Variants in RNF216 observed in about 807,000 individuals in gnomAD.
RNF216 encodes ring finger protein 216.
Under a neutral mutation model 110.8 loss-of-function variants are expected in RNF216, and 72 were observed. The ratio of observed to expected loss-of-function variants is 0.65; its 90% CI spans 0.54 to 0.79. The LOEUF (loss-of-function observed/expected upper bound fraction) is 0.79. RNF216 is among the 30% of genes least tolerant of loss of function. The pLI, the probability that RNF216 is intolerant of heterozygous loss-of-function variation, is 0.00. For synonymous variants in RNF216, 495 were observed against 407.5 expected (o/e 1.21, Z -2.59); for missense variants, 1,342 against 1,141.2 (o/e 1.18, Z -2.54).
chr7:5,752,948 G>A lies in RNF216; in HGVS notation c.99C>T (p.Thr33=), dbSNP rs1795409964. Residue 33 remains threonine (T), a synonymous_variant, in exon 3 of 17, where the codon ACC becomes ACT. Coordinates refer to ENST00000389902, the MANE Select transcript of RNF216 (RefSeq NM_207111.4). The stretch of plus-strand genomic sequence containing the variant: ...TTTCCTCATCTGAGGAGTCAGATAT[G>A]GTGATGGGCCCATCTCGGAGATTGA... ...EWINLRDGPI[T]ISDSSDEERI... is the part of the protein sequence containing the mutation. 6.2e-7 allele frequency: 1 copy of A among 1,611,580 alleles called. No individual in the cohort carries two copies. Among genetic ancestry groups the A allele is most frequent in the Non-Finnish European group, 8.5e-7 (1 of 1,178,932 alleles).
At chr7:5,639,686 CT>C (rs1311177706) in intron 15 of RNF216, among the ~76,000 whole-genome samples, 1 of 152,006 alleles carries the variant, frequency 6.6e-6, no homozygotes, top group Non-Finnish European at 1.5e-5. Context: ...TCTTGAACTC[CT>C]GACCTCAGGT....
chr7:5,683,142 A>G (rs924977019), intron 13 of RNF216, among the ~76,000 whole-genome samples: 5 of 152,150 alleles, frequency 3.3e-5, no homozygotes, highest in Admixed American at 2.0e-4. Flanking sequence ...AAACAAACAA[A>G]CAAAAAACAG....
chr7:5,692,466 T>C (rs1035973775), intron 13 of RNF216, among the ~76,000 whole-genome samples: 2 of 152,212 alleles, frequency 1.3e-5, no homozygotes, highest in South Asian at 4.1e-4. Context: ...GAATTCTAAC[T>C]ACTAAAAGCC....
intron 1 of RNF216, chr7:5,780,330 TC>T (rs1797010682): frequency 6.6e-6 from 1 of 152,150 alleles, no homozygotes. Context: ...CTGCTCACCC[TC>T]TACGTCACAG....
chr7:5,621,103 C>G lies in RNF216; in HGVS notation c.*1757G>C, dbSNP rs1334720382. 6.6e-6 allele frequency: 1 copy of G among 152,212 alleles called. No homozygotes were observed. 9.4% of individuals were successfully genotyped at this position (152,212 alleles called of 1,614,324 possible). On this transcript the variant is annotated 3_prime_UTR_variant, in exon 17 of 17. Coordinates refer to ENST00000389902, the MANE Select transcript of RNF216 (RefSeq NM_207111.4). ...CCGGCCTCCCTGCGCACCCTTACCCCAGGTCCAGGTGACCACCTGTCTTCA... is the reference window on the plus strand; with the variant it reads ...CCGGCCTCCCTGCGCACCCTTACCCGAGGTCCAGGTGACCACCTGTCTTCA...
chr7:5,673,699 G>A (rs1790074227), intron 13 of RNF216, among the ~76,000 whole-genome samples: 1 of 152,148 alleles, frequency 6.6e-6, no homozygotes. Flanking sequence ...AACACAGCAT[G>A]ACCTTGTCTC....
chr7:5,775,738 A>G (rs10271741), intron 1 of RNF216, among the ~76,000 whole-genome samples: 149,769 of 152,136 alleles, frequency 0.98, 73,736 homozygotes, highest in African/African-American at 0.99. Context: ...GCGTGGTTGC[A>G]GGCACCTGTA....
chr7:5,667,574 A>G (rs1326233304), intron 13 of RNF216, among the ~76,000 whole-genome samples: 1 of 152,194 alleles, frequency 6.6e-6, no homozygotes, highest in Non-Finnish European at 1.5e-5. Flanking sequence ...AATCATTTCA[A>G]ACTGTCAAAT....
At chr7:5,673,168 G>A (rs1045149238) in intron 13 of RNF216, among the ~76,000 whole-genome samples, 3 of 152,146 alleles carry the variant, frequency 2.0e-5, no homozygotes, top group South Asian at 2.1e-4. Context: ...GGGCAGTACC[G>A]CACTGGTCAC....
At chr7:5,674,555 G>A (rs1407474176) in intron 13 of RNF216, among the ~76,000 whole-genome samples, 4 of 151,976 alleles carry the variant, frequency 2.6e-5, no homozygotes, top group South Asian at 2.1e-4. Context: ...TTAAGCCCAG[G>A]AGGTCGAGGC....
chr7:5,758,311 C>A (rs953336274), intron 2 of RNF216, among the ~76,000 whole-genome samples: 8 of 152,090 alleles, frequency 5.3e-5, no homozygotes, highest in Non-Finnish European at 1.0e-4. Flanking sequence ...AGTTAGAATA[C>A]ATTATTAATA....
At chr7:5,724,339 G>C (rs1038262993) in intron 8 of RNF216, among the ~76,000 whole-genome samples, 2 of 152,202 alleles carry the variant, frequency 1.3e-5, no homozygotes, top group African/African-American at 2.4e-5. Context: ...AAATATAAAG[G>C]AAGAACTGTC....
intron 13 of RNF216, among the ~76,000 whole-genome samples, chr7:5,709,334 G>A (rs1266789518): frequency 6.6e-6 from 1 of 152,222 alleles, no homozygotes; most frequent in Non-Finnish European, 1.5e-5. Context: ...ACATGGTGCT[G>A]TGCCAGGGGG....
At chr7:5,733,178 A>T (rs1308713859) in intron 5 of RNF216, 1 of 152,276 alleles carries the variant, frequency 6.6e-6, no homozygotes, top group Admixed American at 6.5e-5. Flanking sequence ...AGTCCAGAGA[A>T]TAATGGAAAG....
intron 13 of RNF216, among the ~76,000 whole-genome samples, chr7:5,685,471 C>T (rs1179229763): frequency 6.6e-6 from 1 of 152,174 alleles, no homozygotes; most frequent in Admixed American, 6.6e-5. Context: ...CTGTTACTTT[C>T]CAAGACACTA....
chr7:5,658,514 T>C (rs1788888716), intron 13 of RNF216, among the ~76,000 whole-genome samples: 1 of 151,354 alleles, frequency 6.6e-6, no homozygotes, highest in Non-Finnish European at 1.5e-5. Flanking sequence ...AAAATATAGC[T>C]GGCTGTGGTG....
chr7:5,650,675 G>C (rs1412173503), intron 14 of RNF216, among the ~76,000 whole-genome samples: 1 of 152,094 alleles, frequency 6.6e-6, no homozygotes, highest in African/African-American at 2.4e-5. Context: ...GCCAGCAACA[G>C]GGGGGTCAAG....
intron 1 of RNF216, among the ~76,000 whole-genome samples, chr7:5,767,448 G>C (rs1225658688): frequency 6.6e-6 from 1 of 152,100 alleles, no homozygotes; most frequent in Admixed American, 6.6e-5. Context: ...AATCCACTGA[G>C]AAAGAACTCT....
chr7:5,731,498 A>G (rs1794087721), intron 5 of RNF216, among the ~76,000 whole-genome samples: 1 of 151,402 alleles, frequency 6.6e-6, no homozygotes, highest in Admixed American at 6.6e-5. Flanking sequence ...GAGTGAGATA[A>G]CACACACTGA....
Sources: gnomAD v4.1 joint callset for allele counts (sites outside exome capture counted in the v4.1 genomes callset) on GRCh38, gnomAD v4.1.1 for gene constraint, MANE v1.5 for transcripts, NCBI Gene and HGNC (gene_info 2026-07-23, HGNC 2026-07-21) for gene names.